The following ZDHHC2 variants were observed in gnomAD, a reference collection of about 807,000 sequenced individuals.
ZDHHC2 encodes palmitoyltransferase ZDHHC2.
In ZDHHC2, 51 loss-of-function variants were observed where a neutral mutation model predicts 55.6. The observed-to-expected ratio is 0.92, with a 90% CI of 0.73 to 1.16. The LOEUF (loss-of-function observed/expected upper bound fraction) is 1.16, where lower values mean the gene tolerates loss of function less well. Ranked by LOEUF, ZDHHC2 falls within the 50% of genes most tolerant of loss-of-function variation. The probability of loss-of-function intolerance (pLI) is 0.00; values close to 1 mark genes in which losing one functional copy is unlikely to be tolerated. For missense variants in ZDHHC2, 491 were observed against 442.4 expected (o/e 1.11, Z -0.99); for synonymous variants, 199 against 152.9 (o/e 1.30, Z -2.22).
At position 17,223,638 on chromosome 8, in the gene ZDHHC2, C is replaced by A. The variant is rs1241426941; in HGVS notation, c.*3417C>A. The A allele has an allele frequency of 6.6e-6, 1 of 151,704 alleles. No homozygotes were observed. Among genetic ancestry groups the A allele is most frequent in the African/African-American group, 2.4e-5 (1 of 41,394 alleles). The allele number at this position is 151,704 out of a possible 1,614,324, so 9.4% of individuals were successfully genotyped here. The stretch of plus-strand genomic sequence containing the variant: ...TTTCTCACTGTCTTGGTAAAAATTC[C>A]TAGATTCTACTTTTTATTGCAAGTG... On this transcript the variant is annotated 3_prime_UTR_variant, in exon 13 of 13. Coordinates refer to ENST00000262096, the MANE Select transcript of ZDHHC2 (RefSeq NM_016353.5).
intron 1 of ZDHHC2, among the ~76,000 whole-genome samples, chr8:17,174,047 A>G (rs1168345503): frequency 6.6e-6 from 1 of 151,134 alleles, no homozygotes; most frequent in Non-Finnish European, 1.5e-5. Flanking sequence ...GAAGAGACCA[A>G]CCCTGCCGGC....
At chr8:17,204,101 C>T (rs192989121) in intron 6 of ZDHHC2, among the ~76,000 whole-genome samples, 16 of 152,332 alleles carry the variant, frequency 1.1e-4, no homozygotes, top group South Asian at 4.1e-4. Context: ...CCACCACGCC[C>T]AGCCAACTTG....
intron 3 of ZDHHC2, among the ~76,000 whole-genome samples, chr8:17,190,320 C>G (rs1805953429): frequency 6.6e-6 from 1 of 151,848 alleles, no homozygotes; most frequent in African/African-American, 2.4e-5. Context: ...AGTGTGATCT[C>G]ACGTAATTTT....
intron 1 of ZDHHC2, 80 bp downstream of exon 1, chr8:17,156,933 G>C (rs895186736): frequency 3.8e-6 from 5 of 1,320,272 alleles, no homozygotes; most frequent in Non-Finnish European, 4.9e-6. Context: ...CCGCTCCTCC[G>C]CTCTCGCCCC....
At chr8:17,183,724 A>G (rs564815991) in intron 1 of ZDHHC2, among the ~76,000 whole-genome samples, 64 of 152,274 alleles carry the variant, frequency 4.2e-4, no homozygotes, top group Admixed American at 1.4e-3. Flanking sequence ...TCAGTATCAC[A>G]GGTAAAAGTC....
intron 1 of ZDHHC2, among the ~76,000 whole-genome samples, chr8:17,179,863 G>T (rs538044968): frequency 1.3e-5 from 2 of 152,322 alleles, no homozygotes; most frequent in South Asian, 2.1e-4. Flanking sequence ...AGAGGAACTT[G>T]AAGTTCTGGA....
At chr8:17,197,998 A>G (rs1270438489) in intron 5 of ZDHHC2, among the ~76,000 whole-genome samples, 1 of 152,192 alleles carries the variant, frequency 6.6e-6, no homozygotes, top group East Asian at 1.9e-4. Context: ...TATTTAATAT[A>G]CTCCAAGGAC....
chr8:17,178,321 G>A (rs991657551), intron 1 of ZDHHC2, among the ~76,000 whole-genome samples: 1 of 152,044 alleles, frequency 6.6e-6, no homozygotes, highest in Non-Finnish European at 1.5e-5. Context: ...TTTAATCAAG[G>A]TTGAATTTAA....
At chr8:17,205,560 T>C in intron 6 of ZDHHC2, 95 bp from the exon 7 acceptor site, 1 of 1,321,444 alleles carries the variant, frequency 7.6e-7, no homozygotes, top group South Asian at 1.9e-5. Context: ...TGCCAATAAA[T>C]TAGAAGTGAG....
chr8:17,182,492 A>T (rs1317534364), intron 1 of ZDHHC2, among the ~76,000 whole-genome samples: 4 of 152,224 alleles, frequency 2.6e-5, no homozygotes, highest in Non-Finnish European at 5.9e-5. Context: ...CGAAAGTGTA[A>T]TTGGATACAG....
chr8:17,188,435 A>G (rs562416704), intron 3 of ZDHHC2, among the ~76,000 whole-genome samples: 1 of 152,326 alleles, frequency 6.6e-6, no homozygotes, highest in African/African-American at 2.4e-5. Context: ...TTAACTACAC[A>G]TAGTTTCCTG....
chr8:17,180,938 G>T (rs1404629361), intron 1 of ZDHHC2, among the ~76,000 whole-genome samples: 8 of 152,220 alleles, frequency 5.3e-5, no homozygotes, highest in Admixed American at 5.2e-4. Flanking sequence ...GTTGCTTGAA[G>T]CCCAGTTGAA....
chr8:17,170,002 G>A (rs1804779340), intron 1 of ZDHHC2, among the ~76,000 whole-genome samples: 1 of 152,176 alleles, frequency 6.6e-6, no homozygotes, highest in South Asian at 2.1e-4. Context: ...GCCAGATAAT[G>A]ACAATGTCAG....
chr8:17,205,908 G>A (rs563878152), intron 7 of ZDHHC2, 133 bp downstream of exon 7: 11 of 840,398 alleles, frequency 1.3e-5, no homozygotes, highest in South Asian at 6.7e-5. Flanking sequence ...CTCATTATTC[G>A]CAGATTCTTT....
intron 1 of ZDHHC2, among the ~76,000 whole-genome samples, chr8:17,180,814 T>C (rs1256655079): frequency 6.6e-6 from 1 of 152,198 alleles, no homozygotes; most frequent in African/African-American, 2.4e-5. Flanking sequence ...AGTAATAATC[T>C]CTTTTCCATT....
intron 8 of ZDHHC2, among the ~76,000 whole-genome samples, chr8:17,208,593 G>C (rs577994849): frequency 6.6e-6 from 1 of 152,028 alleles, no homozygotes; most frequent in Non-Finnish European, 1.5e-5. Flanking sequence ...CAAGCTGTGA[G>C]CTTCAGTTAT....
intron 1 of ZDHHC2, chr8:17,157,626 A>G (rs1804128451): frequency 6.6e-6 from 1 of 152,188 alleles, no homozygotes; most frequent in Admixed American, 6.5e-5. Context: ...AAAGTTGATT[A>G]TTATGCACAA....
Position 17,156,917 on chromosome 8 carries a change from G to A in ZDHHC2, c.130+64G>A. The A allele has an allele frequency of 2.9e-6, 4 of 1,395,374 alleles. No homozygotes were observed. In the South Asian group the frequency reaches 4.3e-5, roughly 15 times the overall value. The allele number at this position is 1,395,374 out of a possible 1,614,324, so 86.4% of individuals were successfully genotyped here. A position where few individuals can be genotyped will look rare whatever the true frequency, so the allele number is the denominator to read the frequency against. ...CAGCCCACCCCGACTGTCCCGGGAC[G>A]CTCAGCCGCTCCTCCGCTCTCGCCC... On this transcript the variant is annotated intron_variant, in intron 1 of 12. Coordinates refer to ENST00000262096, the MANE Select transcript of ZDHHC2 (RefSeq NM_016353.5).
intron 1 of ZDHHC2, among the ~76,000 whole-genome samples, chr8:17,173,593 AGATT>A (rs1804975194): frequency 1.3e-5 from 2 of 151,966 alleles, no homozygotes; most frequent in Non-Finnish European, 2.9e-5. Context: ...TGAGGCGGAA[AGATT>A]GATTAAATCT....
Sources: allele counts gnomAD v4.1 joint callset (sites outside exome capture counted in the v4.1 genomes callset), GRCh38; gene constraint gnomAD v4.1.1; transcripts MANE v1.5; gene names NCBI Gene and HGNC (gene_info 2026-07-23, HGNC 2026-07-21).